The following SORL1 variants were observed in gnomAD, a reference collection of about 807,000 sequenced individuals.
SORL1 encodes sortilin related receptor 1, also known as sortilin-related receptor.
Under a neutral mutation model 273.7 loss-of-function variants are expected in SORL1, and 127 were observed. The ratio of observed to expected loss-of-function variants is 0.46; its 90% CI spans 0.40 to 0.54. The LOEUF is 0.54. Ranked by LOEUF, SORL1 falls within the 20% of genes least tolerant of loss-of-function variation. The probability of loss-of-function intolerance (pLI) is 0.00; values close to 1 mark genes in which losing one functional copy is unlikely to be tolerated. For missense variants in SORL1, 2,494 were observed against 2,846.1 expected (o/e 0.88, Z 2.81); for synonymous variants, 1,031 against 1,067.4 (o/e 0.97, Z 0.66).
chr11:121,581,892 G>C (rs939042819), intron 25 of SORL1, among the ~76,000 whole-genome samples: 1 of 152,226 alleles, frequency 6.6e-6, no homozygotes, highest in East Asian at 1.9e-4. Context: ...GTGTCGGTGA[G>C]GGATGTTTTG....
In SORL1 at chr11:121,583,540, T is replaced by A. The variant is rs1358505207; in HGVS notation, c.3663T>A (p.Asp1221Glu). 6.2e-7 allele frequency: 1 copy of A among 1,612,818 alleles called. No individual in the cohort carries two copies. Among genetic ancestry groups the A allele is most frequent in the East Asian group, 2.2e-5 (1 of 44,664 alleles). ...CCCAGCGGTGGGCGTGTGACGGGGA[T>A]ACGGACTGCCAGGATGGTTCCGATG... ...CIPQRWACDG[D>E]TDCQDGSDED... Residue 1221 changes from aspartate (D) to glutamate (E), a missense_variant, in exon 26 of 48, where the codon GAT (aspartate) becomes GAA (glutamate). Asp to Glu is a conservative substitution (Grantham distance 45). Transcript: ENST00000260197.
chr11:121,558,016 A>C (rs1374594611), intron 19 of SORL1, among the ~76,000 whole-genome samples: 1 of 152,170 alleles, frequency 6.6e-6, no homozygotes, highest in East Asian at 1.9e-4. Context: ...GCACTTTATG[A>C]AAAAAATTTG....
rs367617007 is a variant in SORL1, at chr11:121,586,254, G to A, written c.3739G>A (p.Gly1247Ser). Residue 1247 changes from glycine (G) to serine (S), a missense_variant, in exon 27 of 48, where the codon GGC becomes AGC. Gly to Ser is a moderately conservative substitution (Grantham distance 56). Around this residue, in one of 3 missense-constraint regions of SORL1, gnomAD observed 1,609 missense variants for 1,816.4 expected, o/e 0.89. Coordinates refer to ENST00000260197, the MANE Select transcript of SORL1 (RefSeq NM_003105.6). ...KKCNGFRCPN[G>S]TCIPSSKHCD... ...GTGCAATGGATTCCGCTGCCCAAAC[G>A]GCACTTGCATCCCATCCAGCAAACA... The A allele has an allele frequency of 3.7e-6, 6 of 1,613,844 alleles. No individual in the cohort carries two copies. The highest frequency in any genetic ancestry group is 4.2e-6 in the Non-Finnish European group (5 of 1,179,888).
At chr11:121,510,430 T>G (rs1861859588) in intron 6 of SORL1, among the ~76,000 whole-genome samples, 1 of 152,222 alleles carries the variant, frequency 6.6e-6, no homozygotes, top group South Asian at 2.1e-4. Context: ...CTTAATGTTC[T>G]GCCATCCTGA....
intron 11 of SORL1, among the ~76,000 whole-genome samples, chr11:121,529,800 A>T (rs912792788): frequency 1.3e-5 from 2 of 152,186 alleles, no homozygotes; most frequent in Non-Finnish European, 2.9e-5. Flanking sequence ...GGCCATTAAC[A>T]TTTAATATAA....
At chr11:121,460,940 C>G (rs944436994) in intron 1 of SORL1, among the ~76,000 whole-genome samples, 2 of 152,062 alleles carry the variant, frequency 1.3e-5, no homozygotes, top group Non-Finnish European at 2.9e-5. Flanking sequence ...TGTCTCTGCC[C>G]CAGGGACCTG....
intron 1 of SORL1, among the ~76,000 whole-genome samples, chr11:121,459,146 A>T (rs1329694426): frequency 6.6e-6 from 1 of 152,220 alleles, no homozygotes; most frequent in African/African-American, 2.4e-5. Flanking sequence ...CACTAGTCAG[A>T]TCTGGCCATT....
chr11:121,518,619 C>T (rs777343668), intron 8 of SORL1, among the ~76,000 whole-genome samples: 2 of 152,138 alleles, frequency 1.3e-5, no homozygotes, highest in Non-Finnish European at 2.9e-5. Context: ...GAATCGAGAC[C>T]TTCAGCTGGT....
At chr11:121,529,302 G>A (rs1243734506) in intron 11 of SORL1, among the ~76,000 whole-genome samples, 8 of 151,784 alleles carry the variant, frequency 5.3e-5, no homozygotes. Context: ...CTGAGACCTC[G>A]ACCTCCTGGG....
chr11:121,512,956 A>C (rs1165996189), intron 6 of SORL1, 47 bp from the exon 7 acceptor site: 1 of 1,268,362 alleles, frequency 7.9e-7, no homozygotes. Flanking sequence ...CTTTTGAATG[A>C]CTGTAATGTG....
intron 27 of SORL1, among the ~76,000 whole-genome samples, chr11:121,587,127 A>T (rs1863128346): frequency 6.6e-6 from 1 of 152,186 alleles, no homozygotes; most frequent in South Asian, 2.1e-4. Context: ...AGTCTGTATG[A>T]CCTGAAAACC....
intron 18 of SORL1, 149 bp from the exon 19 acceptor site, chr11:121,557,165 G>C: frequency 3.0e-6 from 2 of 669,812 alleles, no homozygotes; most frequent in South Asian, 3.4e-5. Context: ...CTAGAAGTTG[G>C]GGCAGGTTTC....
intron 14 of SORL1, among the ~76,000 whole-genome samples, chr11:121,549,255 C>T (rs1412540608): frequency 6.6e-6 from 1 of 152,182 alleles, no homozygotes; most frequent in Non-Finnish European, 1.5e-5. Context: ...CAGGGGCTTG[C>T]TCTGTTGCCC....
chr11:121,504,526 A>G (rs1004898165), intron 6 of SORL1, among the ~76,000 whole-genome samples: 1 of 152,104 alleles, frequency 6.6e-6, no homozygotes, highest in Non-Finnish European at 1.5e-5. Flanking sequence ...TTTTTGTATT[A>G]TTGATCTTAT....
chr11:121,472,453 G>A lies in SORL1; in HGVS notation c.402+2330G>A, dbSNP rs570655494. ...CACTCAGCATGTCAGTGGGAAGGTC[G>A]GGGCTGATGAGAATCAAGGCCCAAT... is the stretch of plus-strand genomic sequence containing the variant. On this transcript the variant is annotated intron_variant, in intron 2 of 47. Transcript: ENST00000260197. 7.2e-5 allele frequency among the ~76,000 whole-genome samples: 11 copies of A among 152,328 alleles called. No individual in the cohort carries two copies. The South Asian group carries it at 1.2e-3, about 17-fold the overall frequency.
Position 121,555,338 on chromosome 11 carries a change from G to C in SORL1, c.2571+20G>C. Reference sequence around the variant, plus strand: ...ATTGAGGTATGTGTATTTTCGTGCTGTTCTTAATTAAGGGAGCAGGCGGGG... The same window carrying C: ...ATTGAGGTATGTGTATTTTCGTGCTCTTCTTAATTAAGGGAGCAGGCGGGG... On this transcript the variant is annotated intron_variant, in intron 18 of 47. Transcript: ENST00000260197. 1 of 1,612,114 alleles carries C rather than the reference G, an allele frequency of 6.2e-7. No homozygotes were observed. The highest frequency in any genetic ancestry group is 2.2e-5 in the East Asian group (1 of 44,798).
At chr11:121,575,958 T>G (rs540221626) in intron 24 of SORL1, among the ~76,000 whole-genome samples, 1 of 152,198 alleles carries the variant, frequency 6.6e-6, no homozygotes, top group Non-Finnish European at 1.5e-5. Context: ...GGTTAGCCCC[T>G]TCCTCTGATG....
At position 121,595,662 on chromosome 11, in the gene SORL1, G is replaced by T. The variant is rs776117825; in HGVS notation, c.4409G>T (p.Arg1470Leu). ...GCCTCCACTCCCACCCAACTTGGGC[G>T]ATGTGACCGATTTGAGTTCGAATGC... ...TAASTPTQLG[R>L]CDRFEFECHQ... is the part of the protein sequence containing the mutation. Residue 1470 changes from arginine to leucine, a missense_variant, in exon 32 of 48, where the codon CGA becomes CTA. Physicochemically the swap from Arg to Leu is moderately radical, Grantham distance 102 (BLOSUM62 -2). Transcript: ENST00000260197. This position sits in a 1 kb window ranked among gnomAD's most constrained non-coding sequence, Gnocchi z 5.1. The T allele has an allele frequency of 1.4e-5, 22 of 1,612,236 alleles. No individual in the cohort carries two copies. The highest frequency in any genetic ancestry group is 8.5e-7 in the Non-Finnish European group (1 of 1,179,228).
At chr11:121,485,565 C>T (rs1040813719) in intron 3 of SORL1, among the ~76,000 whole-genome samples, 5 of 152,180 alleles carry the variant, frequency 3.3e-5, no homozygotes, top group Non-Finnish European at 5.9e-5. Context: ...CTCTTGAAAA[C>T]GTTTAGCTAT....
Sources: allele counts gnomAD v4.1 joint callset (sites outside exome capture counted in the v4.1 genomes callset), GRCh38; gene constraint gnomAD v4.1.1; regional missense constraint gnomAD v4.1.1; non-coding constraint Gnocchi (gnomAD v3.1); transcripts MANE v1.5; gene names NCBI Gene and HGNC (gene_info 2026-07-23, HGNC 2026-07-21).